The following KCND2 variants were observed in gnomAD, a reference collection of about 807,000 sequenced individuals.
The protein encoded by KCND2 is potassium voltage-gated channel subfamily D member 2, also known as A-type voltage-gated potassium channel KCND2.
Under a neutral mutation model 54.4 loss-of-function variants are expected in KCND2, and 16 were observed. The ratio of observed to expected loss-of-function variants is 0.29; its 90% CI spans 0.20 to 0.45. The LOEUF is 0.45. Ranked by LOEUF, KCND2 falls within the 20% of genes least tolerant of loss-of-function variation. KCND2 has a pLI of 1.00. For synonymous variants in KCND2, 317 were observed against 310.7 expected (o/e 1.02, Z -0.21); for missense variants, 486 against 824.2 (o/e 0.59, Z 5.02).
At chr7:120,563,583 A>G (rs1792261480) in intron 1 of KCND2, among the ~76,000 whole-genome samples, 2 of 152,144 alleles carry the variant, frequency 1.3e-5, no homozygotes, top group South Asian at 2.1e-4. Flanking sequence ...ATGTCTTTTG[A>G]TCATCAACAG....
At chr7:120,660,971 G>T (rs1020476984) in intron 1 of KCND2, among the ~76,000 whole-genome samples, 1 of 151,404 alleles carries the variant, frequency 6.6e-6, no homozygotes, top group Non-Finnish European at 1.5e-5. Context: ...TTTTATTTTT[G>T]ATTTTTAATT....
At chr7:120,624,145 A>G (rs1352199675) in intron 1 of KCND2, among the ~76,000 whole-genome samples, 2 of 152,216 alleles carry the variant, frequency 1.3e-5, no homozygotes, top group South Asian at 2.1e-4. Flanking sequence ...TTCTAACTGT[A>G]TATTCAATTA....
At chr7:120,558,482 A>G in intron 1 of KCND2, among the ~76,000 whole-genome samples, 1 of 152,240 alleles carries the variant, frequency 6.6e-6, no homozygotes, top group South Asian at 2.1e-4. Flanking sequence ...GAACATTAAT[A>G]CCTTATTTTC....
At chr7:120,418,009 G>A (rs1019632505) in intron 1 of KCND2, among the ~76,000 whole-genome samples, 4 of 152,116 alleles carry the variant, frequency 2.6e-5, no homozygotes, top group African/African-American at 4.8e-5. Flanking sequence ...GTAAAAGCCC[G>A]ATTCAAGAAA....
chr7:120,510,287 T>C (rs986488577), intron 1 of KCND2, among the ~76,000 whole-genome samples: 1 of 152,118 alleles, frequency 6.6e-6, no homozygotes, highest in Non-Finnish European at 1.5e-5. Context: ...TTGACACTAC[T>C]ATTAGCTAAA....
At position 120,462,388 on chromosome 7, in the gene KCND2, C is replaced by T. The variant is rs1404901652; in HGVS notation, c.1115+186641C>T. Among the ~76,000 whole-genome samples, 4 of 152,086 alleles carry T rather than the reference C, an allele frequency of 2.6e-5. No individual in the cohort carries two copies. The East Asian group carries it at 7.7e-4, about 29-fold the overall frequency. On this transcript the variant is annotated intron_variant, in intron 1 of 5. Transcript: ENST00000331113. Reference sequence around the variant, plus strand: ...TTCAACATAAATGCTTGCCACTCAACTCTCTTGTACAAATTCTAGATTCTG... The same window carrying T: ...TTCAACATAAATGCTTGCCACTCAATTCTCTTGTACAAATTCTAGATTCTG...
intron 1 of KCND2, among the ~76,000 whole-genome samples, chr7:120,358,955 G>A (rs531269250): frequency 4.6e-4 from 70 of 152,180 alleles, no homozygotes; most frequent in South Asian, 2.7e-3. Flanking sequence ...ACTTAATATT[G>A]ACTCTAACAG....
At chr7:120,579,630 AAATAAATAAAT>A (rs1398341056) in intron 1 of KCND2, among the ~76,000 whole-genome samples, 2 of 142,688 alleles carry the variant, frequency 1.4e-5, no homozygotes, top group African/African-American at 2.9e-5. Context: ...ATAAATAAAT[AAATAAATAAAT>A]AAATAAAATA....
At chr7:120,442,921 CAT>C (rs1397069600) in intron 1 of KCND2, among the ~76,000 whole-genome samples, 1 of 152,124 alleles carries the variant, frequency 6.6e-6, no homozygotes, top group East Asian at 1.9e-4. Context: ...CATATGTTCT[CAT>C]AATCACTAAT....
chr7:120,493,678 C>T (rs1288687114), intron 1 of KCND2, among the ~76,000 whole-genome samples: 1 of 152,060 alleles, frequency 6.6e-6, no homozygotes, highest in East Asian at 1.9e-4. Context: ...TTCCATATGA[C>T]ACCTGCTTGA....
chr7:120,668,192 T>G (rs534280911), intron 1 of KCND2, among the ~76,000 whole-genome samples: 1 of 152,056 alleles, frequency 6.6e-6, no homozygotes, highest in African/African-American at 2.4e-5. Context: ...ATGGATTTTC[T>G]TCCTCAAAAA....
At chr7:120,615,514 G>A (rs961530473) in intron 1 of KCND2, among the ~76,000 whole-genome samples, 2 of 152,090 alleles carry the variant, frequency 1.3e-5, no homozygotes, top group Non-Finnish European at 2.9e-5. Context: ...TCATTCCAAG[G>A]CAATATGCCC....
intron 1 of KCND2, among the ~76,000 whole-genome samples, chr7:120,717,711 A>T (rs947025081): frequency 3.3e-5 from 5 of 152,008 alleles, no homozygotes; most frequent in Non-Finnish European, 7.4e-5. Context: ...CTTAAAAACC[A>T]CATCTCTTCT....
At chr7:120,736,910 A>G (rs1792877594) in intron 2 of KCND2, among the ~76,000 whole-genome samples, 1 of 151,678 alleles carries the variant, frequency 6.6e-6, no homozygotes, top group Admixed American at 6.6e-5. Flanking sequence ...GAGCCAATGT[A>G]TAGTGTAATA....
intron 1 of KCND2, among the ~76,000 whole-genome samples, chr7:120,353,326 C>G (rs1197362385): frequency 2.6e-5 from 4 of 151,678 alleles, no homozygotes; most frequent in Non-Finnish European, 4.4e-5. Flanking sequence ...ACAATGGAGA[C>G]TGAATGGGAG....
intron 1 of KCND2, among the ~76,000 whole-genome samples, chr7:120,442,568 T>C (rs1801959862): frequency 6.6e-6 from 1 of 151,930 alleles, no homozygotes; most frequent in Non-Finnish European, 1.5e-5. Flanking sequence ...TTTGAAGCAA[T>C]ATATAAATAA....
chr7:120,342,772 G>A (rs935000697), intron 1 of KCND2, among the ~76,000 whole-genome samples: 2 of 152,042 alleles, frequency 1.3e-5, no homozygotes, highest in Non-Finnish European at 2.9e-5. Flanking sequence ...AATAATATGG[G>A]AAATTTAAAG....
intron 1 of KCND2, among the ~76,000 whole-genome samples, chr7:120,506,825 C>T (rs575542988): frequency 4.6e-5 from 7 of 151,838 alleles, no homozygotes; most frequent in Admixed American, 3.3e-4. Context: ...GAATTTTTTT[C>T]ACAATAGAAT....
intron 1 of KCND2, among the ~76,000 whole-genome samples, chr7:120,284,748 C>A (rs919631318): frequency 1.2e-4 from 18 of 152,224 alleles, no homozygotes; most frequent in African/African-American, 3.1e-4. Flanking sequence ...AGAATCTAAG[C>A]TAGATTTCTG....
Sources: gnomAD v4.1 joint callset for allele counts (sites outside exome capture counted in the v4.1 genomes callset) on GRCh38, gnomAD v4.1.1 for gene constraint, MANE v1.5 for transcripts, NCBI Gene and HGNC (gene_info 2026-07-23, HGNC 2026-07-21) for gene names.